PRPF18: variants seen among roughly 807,000 people sequenced by gnomAD.
PRPF18 encodes the protein pre-mRNA-splicing factor 18.
In PRPF18, 38 loss-of-function variants were observed where a neutral mutation model predicts 46.5. The observed-to-expected ratio is 0.82, with a 90% CI of 0.63 to 1.07. The LOEUF is 1.07. Among genes scored for constraint, PRPF18 ranks in the 50% least tolerant of loss-of-function variants. The pLI, the probability that PRPF18 is intolerant of heterozygous loss-of-function variation, is 0.00. For synonymous variants in PRPF18, 152 were observed against 146.7 expected (o/e 1.04, Z -0.26); for missense variants, 263 against 410.0 (o/e 0.64, Z 3.10).
At chr10:13,615,925 C>T (rs552270892) in intron 8 of PRPF18, among the ~76,000 whole-genome samples, 2 of 152,180 alleles carry the variant, frequency 1.3e-5, no homozygotes, top group African/African-American at 2.4e-5. Context: ...TGAGCCCCCA[C>T]TTCCTTCAGA....
chr10:13,596,977 A>T (rs1324201442), intron 1 of PRPF18, among the ~76,000 whole-genome samples: 9 of 152,192 alleles, frequency 5.9e-5, no homozygotes, highest in Non-Finnish European at 1.2e-4. Context: ...TGATATAATA[A>T]GGTTCCAGGT....
At chr10:13,599,673 T>G (rs1234286485) in intron 2 of PRPF18, among the ~76,000 whole-genome samples, 5 of 152,236 alleles carry the variant, frequency 3.3e-5, no homozygotes, top group African/African-American at 1.2e-4. Context: ...TCTGCAAGGT[T>G]GGTAGCTCAG....
the PRPF18 span, chr10:13,646,486 C>G: frequency 6.6e-6 from 1 of 152,264 alleles, no homozygotes; most frequent in East Asian, 1.9e-4. Context: ...GCCACGAGGC[C>G]TCCTCTTCAT....
chr10:13,590,649 C>T (rs1289551580), intron 1 of PRPF18, among the ~76,000 whole-genome samples: 3 of 150,328 alleles, frequency 2.0e-5, no homozygotes, highest in African/African-American at 7.3e-5. Flanking sequence ...TACTGACATT[C>T]ATAGTTTATA....
At chr10:13,651,894 T>G in the PRPF18 span, 1 of 1,472,292 alleles carries the variant, frequency 6.8e-7, no homozygotes, top group Non-Finnish European at 9.5e-7. Flanking sequence ...AAAACTCCCC[T>G]TACGGTACCT....
Position 13,600,336 on chromosome 10 carries a change from T to C in PRPF18, c.237T>C (p.Leu79=), listed in dbSNP as rs1378293365. ...CAGAGGAAAAATTACCTATGACGCT[T>C]TCTAGGCAAGAGGTAAGTTTATTTG... The part of the protein sequence containing the change: ...ELAEEKLPMT[L]SRQEVIRRLR... Residue 79 remains leucine, a synonymous_variant, in exon 3 of 10, where the codon CTT becomes CTC. Transcript: ENST00000378572. 1 of 1,608,950 alleles carries C rather than the reference T, an allele frequency of 6.2e-7. No individual in the cohort carries two copies. Among genetic ancestry groups the C allele is most frequent in the Admixed American group, 1.7e-5 (1 of 59,738 alleles).
chr10:13,608,682 G>T (rs114958316), intron 4 of PRPF18, among the ~76,000 whole-genome samples: 1,700 of 152,272 alleles, frequency 0.011, 32 homozygotes, highest in African/African-American at 0.039. Context: ...GTAAACCTTT[G>T]TTAGTGTACT....
At chr10:13,644,055 T>C in the PRPF18 span, 1 of 152,656 alleles carries the variant, frequency 6.6e-6, no homozygotes. Flanking sequence ...TGATAGCACC[T>C]GGATGGGGTT....
At chr10:13,606,987 T>C (rs982091591) in intron 4 of PRPF18, among the ~76,000 whole-genome samples, 3 of 152,214 alleles carry the variant, frequency 2.0e-5, no homozygotes, top group African/African-American at 7.2e-5. Context: ...TGTCTGGTAG[T>C]AGCTCTTTGC....
intron 9 of PRPF18, among the ~76,000 whole-genome samples, chr10:13,628,736 C>T (rs1431909634): frequency 1.3e-5 from 2 of 152,086 alleles, no homozygotes; most frequent in African/African-American, 2.4e-5. Flanking sequence ...TTGAGCTTAA[C>T]AGGTGTTAAG....
chr10:13,611,540 G>C, intron 5 of PRPF18, 75 bp from the exon 6 acceptor site: 6 of 1,189,746 alleles, frequency 5.0e-6, no homozygotes, highest in Non-Finnish European at 7.5e-6. Context: ...GCCATGTTTA[G>C]ACTGGTGTTG....
Position 13,587,155 on chromosome 10 carries a change from G to A in PRPF18, c.66+3G>A, listed in dbSNP as rs371450941. ...TGGAGGACAGGAACCTGCTGGTGGTGAGGACCCTGCGGTCGTGGGGGTCGG... is the reference window on the plus strand; with the variant it reads ...TGGAGGACAGGAACCTGCTGGTGGTAAGGACCCTGCGGTCGTGGGGGTCGG... On this transcript the variant is annotated splice_donor_region_variant and intron_variant, in intron 1 of 9. Transcript: ENST00000378572. 3.0e-5 allele frequency: 48 copies of A among 1,612,922 alleles called. No homozygotes were observed. The highest frequency in any genetic ancestry group is 3.7e-5 in the Non-Finnish European group (44 of 1,179,042).
At chr10:13,595,765 G>A (rs1407263348) in intron 1 of PRPF18, among the ~76,000 whole-genome samples, 1 of 152,150 alleles carries the variant, frequency 6.6e-6, no homozygotes. Flanking sequence ...AACTGTGCTT[G>A]TTGTGTGGTA....
intron 9 of PRPF18, among the ~76,000 whole-genome samples, chr10:13,624,608 C>A (rs2080471152): frequency 1.3e-5 from 2 of 152,196 alleles, no homozygotes; most frequent in South Asian, 4.1e-4. Flanking sequence ...GGTAAGATAT[C>A]ATACTGAAAA....
intron 9 of PRPF18, among the ~76,000 whole-genome samples, chr10:13,625,003 T>G (rs1310937560): frequency 4.6e-5 from 7 of 152,116 alleles, no homozygotes; most frequent in African/African-American, 1.4e-4. Context: ...AACAGAATTA[T>G]AGAGAACAGA....
Position 13,611,646 on chromosome 10 carries a change from A to G in PRPF18, c.542A>G (p.Asp181Gly). Residue 181 changes from aspartate to glycine, a missense_variant, in exon 6 of 10, where the codon GAT becomes GGT. Around this residue, in one of 4 missense-constraint regions of PRPF18, gnomAD observed 155 missense variants for 245.1 expected, o/e 0.63. Transcript: ENST00000378572. ...GGAGAGTCCTTAGGGAAAGGCGATG[A>G]TCATAAAGACATGGACATCATCACC... Reference protein sequence around the residue: ...ALGESLGKGDDHKDMDIITKF... With the variant: ...ALGESLGKGDGHKDMDIITKF... 3.7e-6 allele frequency: 6 copies of G among 1,613,994 alleles called. No homozygotes were observed. The highest frequency in any genetic ancestry group is 4.2e-6 in the Non-Finnish European group (5 of 1,179,932).
At chr10:13,604,787 G>A (rs980383597) in intron 3 of PRPF18, among the ~76,000 whole-genome samples, 3 of 152,172 alleles carry the variant, frequency 2.0e-5, no homozygotes, top group Non-Finnish European at 4.4e-5. Context: ...AGAATAAACA[G>A]ATTACTTTTT....
chr10:13,619,263 T>A (rs577680304), intron 9 of PRPF18, among the ~76,000 whole-genome samples: 2 of 152,390 alleles, frequency 1.3e-5, no homozygotes, highest in South Asian at 2.1e-4. Flanking sequence ...AACTTTCTGA[T>A]GGAAGAGGAT....
intron 9 of PRPF18, among the ~76,000 whole-genome samples, chr10:13,619,748 T>C (rs1039938730): frequency 2.6e-5 from 4 of 152,084 alleles, no homozygotes; most frequent in African/African-American, 9.7e-5. Flanking sequence ...GGCCTCTCTG[T>C]TGATGAATTC....
Sources: gnomAD v4.1 joint callset for allele counts (sites outside exome capture counted in the v4.1 genomes callset) on GRCh38, gnomAD v4.1.1 for gene constraint, gnomAD v4.1.1 regional missense constraint, MANE v1.5 for transcripts, NCBI Gene and HGNC (gene_info 2026-07-23, HGNC 2026-07-21) for gene names.